Variants in BLMH observed in about 807,000 individuals in gnomAD.
The protein encoded by BLMH is BLM hydrolase.
Under a neutral mutation model 61.6 loss-of-function variants are expected in BLMH, and 32 were observed. The observed-to-expected ratio is 0.52, with a 90% CI of 0.39 to 0.70. The LOEUF is 0.70. Among genes scored for constraint, BLMH ranks in the 30% least tolerant of loss-of-function variants. The pLI is 0.00. For synonymous variants in BLMH, 183 were observed against 193.8 expected (o/e 0.94, Z 0.46); for missense variants, 460 against 555.5 (o/e 0.83, Z 1.73).
chr17:30,274,159 T>C lies in BLMH; in HGVS notation c.684A>G (p.Pro228=), dbSNP rs2143022547. 6.2e-7 allele frequency: 1 copy of C among 1,614,196 alleles called. No homozygotes were observed. Among genetic ancestry groups the C allele is most frequent in the South Asian group, 1.1e-5 (1 of 91,080 alleles). ...CTCGATATTCCCAGGTGAATGTCTC[T>C]GGTGGATTACCCAAACAGATGCACA... ...RVVCICLGNP[P]ETFTWEYRDK... is the part of the protein sequence containing the mutation. The change falls in exon 7 of 12, where the codon CCA becomes CCG. Residue 228 remains proline (P), a synonymous_variant. Transcript: ENST00000261714.
Position 30,291,914 on chromosome 17 carries a change from C to G in BLMH, c.-95G>C, listed in dbSNP as rs1270286448. ...CGGCTCGCTGCCTAGGGGGCCCGAC[C>G]TGTCTCTCGCACCCGGAGCGCCGGA... On this transcript the variant is annotated 5_prime_UTR_variant, in exon 1 of 12. Coordinates refer to ENST00000261714, the MANE Select transcript of BLMH (RefSeq NM_000386.4). 8.1e-7 allele frequency: 1 copy of G among 1,234,120 alleles called. No homozygotes were observed. The highest frequency in any genetic ancestry group is 1.6e-5 in the African/African-American group (1 of 63,738). The allele number at this position is 1,234,120 out of a possible 1,614,324, so 76.4% of individuals were successfully genotyped here.
At chr17:30,256,062 A>C (rs1907805320) in intron 11 of BLMH, among the ~76,000 whole-genome samples, 1 of 151,972 alleles carries the variant, frequency 6.6e-6, no homozygotes, top group African/African-American at 2.4e-5. Flanking sequence ...AATTTTCTTA[A>C]TTTTTGTTGA....
intron 6 of BLMH, among the ~76,000 whole-genome samples, chr17:30,279,227 C>T (rs563723332): frequency 2.0e-5 from 3 of 152,146 alleles, no homozygotes; most frequent in Non-Finnish European, 4.4e-5. Flanking sequence ...ATATAGATTA[C>T]TGAGAAAGGT....
intron 5 of BLMH, among the ~76,000 whole-genome samples, chr17:30,286,525 T>C (rs1908731627): frequency 1.3e-5 from 2 of 152,256 alleles, no homozygotes; most frequent in African/African-American, 4.8e-5. Context: ...CCGCACCCTG[T>C]GTGCTTGTGG....
intron 11 of BLMH, among the ~76,000 whole-genome samples, chr17:30,266,405 G>A (rs1908107831): frequency 6.6e-6 from 1 of 151,224 alleles, no homozygotes; most frequent in Admixed American, 6.6e-5. Context: ...GGTGCCTGCA[G>A]CCCCAGCTAC....
intron 2 of BLMH, among the ~76,000 whole-genome samples, chr17:30,289,930 A>C (rs1474398119): frequency 6.6e-6 from 1 of 152,204 alleles, no homozygotes; most frequent in Non-Finnish European, 1.5e-5. Flanking sequence ...AGTGAAAAAG[A>C]TAGGTAGCTT....
chr17:30,268,471 G>T (rs1268584115), intron 10 of BLMH, among the ~76,000 whole-genome samples: 1 of 152,152 alleles, frequency 6.6e-6, no homozygotes, highest in African/African-American at 2.4e-5. Context: ...CTAGTGGAAT[G>T]AAGAGAAAAT....
chr17:30,279,499 T>C (rs970859664), intron 6 of BLMH, among the ~76,000 whole-genome samples: 1 of 152,236 alleles, frequency 6.6e-6, no homozygotes, highest in Non-Finnish European at 1.5e-5. Context: ...TAGCAACCTA[T>C]AACTAGAAAA....
chr17:30,253,064 A>G (rs1252212820), intron 11 of BLMH, among the ~76,000 whole-genome samples: 2 of 152,226 alleles, frequency 1.3e-5, no homozygotes, highest in Non-Finnish European at 2.9e-5. Flanking sequence ...AGAGCAGACT[A>G]GGGAACACCA....
chr17:30,258,728 G>A, intron 11 of BLMH, among the ~76,000 whole-genome samples: 1 of 152,270 alleles, frequency 6.6e-6, no homozygotes, highest in East Asian at 1.9e-4. Context: ...GGTGAACCCG[G>A]AGAGGAAAGC....
At chr17:30,288,636 C>A (rs567409474) in intron 3 of BLMH, among the ~76,000 whole-genome samples, 1 of 152,060 alleles carries the variant, frequency 6.6e-6, no homozygotes, top group South Asian at 2.1e-4. Context: ...CATGAGCCAC[C>A]AAACCAGGTC....
chr17:30,250,770 GACACATGCAC>G (rs1222172448), intron 11 of BLMH, among the ~76,000 whole-genome samples: 1 of 152,082 alleles, frequency 6.6e-6, no homozygotes, highest in African/African-American at 2.4e-5. Context: ...AAATGAAAAA[GACACATGCAC>G]ACGCATGCTT....
Position 30,248,939 on chromosome 17 carries a change from C to T in BLMH, c.*78G>A. ...TGGCAACACACAGTCCCTTGCATAACTTTGGCTTCAGTCCCTGGATCTGTC... is the reference window on the plus strand; with the variant it reads ...TGGCAACACACAGTCCCTTGCATAATTTTGGCTTCAGTCCCTGGATCTGTC... On this transcript the variant is annotated 3_prime_UTR_variant, in exon 12 of 12. Transcript: ENST00000261714. The T allele has an allele frequency of 2.6e-6, 4 of 1,546,560 alleles. No homozygotes were observed. Among genetic ancestry groups the T allele is most frequent in the Middle Eastern group, 2.3e-4 (1 of 4,382 alleles).
intron 11 of BLMH, among the ~76,000 whole-genome samples, chr17:30,262,357 T>C (rs1907980872): frequency 6.6e-6 from 1 of 152,342 alleles, no homozygotes; most frequent in South Asian, 2.1e-4. Context: ...AGGAATTTAA[T>C]TTATTGACTA....
intron 6 of BLMH, among the ~76,000 whole-genome samples, chr17:30,281,635 G>A (rs1908595375): frequency 6.6e-6 from 1 of 152,066 alleles, no homozygotes; most frequent in South Asian, 2.1e-4. Context: ...TCATCAGCAA[G>A]TCCTGACAGC....
At chr17:30,265,575 G>A (rs149909922) in intron 11 of BLMH, among the ~76,000 whole-genome samples, 1 of 152,266 alleles carries the variant, frequency 6.6e-6, no homozygotes, top group African/African-American at 2.4e-5. Context: ...GCTAATTCCT[G>A]TTGGGTAAAA....
At chr17:30,258,709 A>T (rs1907880767) in intron 11 of BLMH, among the ~76,000 whole-genome samples, 1 of 152,180 alleles carries the variant, frequency 6.6e-6, no homozygotes, top group Admixed American at 6.5e-5. Flanking sequence ...GCTCTCCAGG[A>T]TCTCTGAGGG....
chr17:30,287,739 C>T, intron 4 of BLMH, 67 bp downstream of exon 4: 1 of 1,565,030 alleles, frequency 6.4e-7, no homozygotes, highest in Non-Finnish European at 8.8e-7. Flanking sequence ...AAAGAATTGG[C>T]CCATGCCTAA....
At chr17:30,271,432 G>A (rs1262952995) in intron 9 of BLMH, 44 bp from the exon 10 acceptor site, 1 of 1,498,982 alleles carries the variant, frequency 6.7e-7, no homozygotes, top group East Asian at 2.3e-5. Flanking sequence ...GTACGATCAT[G>A]GGGAAAACTG....
Sources: gnomAD v4.1 joint callset for allele counts (sites outside exome capture counted in the v4.1 genomes callset) on GRCh38, gnomAD v4.1.1 for gene constraint, MANE v1.5 for transcripts, NCBI Gene and HGNC (gene_info 2026-07-23, HGNC 2026-07-21) for gene names.